The following MMUT variants were observed in gnomAD, a reference collection of about 807,000 sequenced individuals.
MMUT encodes the protein methylmalonyl-CoA mutase.
Under a neutral mutation model 79.9 loss-of-function variants are expected in MMUT, and 79 were observed. The observed-to-expected ratio is 0.99, with a 90% CI of 0.82 to 1.19. MMUT has a LOEUF of 1.19. Ranked by LOEUF, MMUT falls within the 50% of genes most tolerant of loss-of-function variation. The probability of loss-of-function intolerance (pLI) is 0.00; values close to 1 mark genes in which losing one functional copy is unlikely to be tolerated. For synonymous variants in MMUT, 273 were observed against 295.7 expected (o/e 0.92, Z 0.79); for missense variants, 860 against 917.2 (o/e 0.94, Z 0.81).
chr6:49,441,045 T>C (rs1581822275), intron 10 of MMUT, among the ~76,000 whole-genome samples: 1 of 152,196 alleles, frequency 6.6e-6, no homozygotes, highest in African/African-American at 2.4e-5. Context: ...AAAGCACTTA[T>C]CTTTGTTAAA....
In MMUT at chr6:49,459,306, T is replaced by C. The variant is rs559152765; in HGVS notation, c.161A>G (p.Lys54Arg). Residue 54 changes from lysine to arginine, a missense_variant, in exon 2 of 13, where the codon AAA becomes AGA. Lys to Arg is a conservative substitution (Grantham distance 26). Transcript: ENST00000274813. ...GTGCCATATTAGGTCTTCTGGGTTT[T>C]TGCCTTTCAGCTGCTTTTTAGCCAG... is the stretch of plus-strand genomic sequence containing the variant. ...AALAKKQLKG[K>R]NPEDLIWHTP... 6 of 1,614,186 alleles carry C rather than the reference T, an allele frequency of 3.7e-6. No homozygotes were observed. In the East Asian group the frequency reaches 1.3e-4, roughly 36 times the overall value.
At position 49,451,628 on chromosome 6, in the gene MMUT, A is replaced by C. The variant is rs1250183702; in HGVS notation, c.1170T>G (p.Phe390Leu). 3 of 1,614,152 alleles carry C rather than the reference A, an allele frequency of 1.9e-6. No individual in the cohort carries two copies. Among genetic ancestry groups the C allele is most frequent in the Non-Finnish European group, 2.5e-6 (3 of 1,180,012 alleles). ...GGTQSLHTNSFDEALGLPTVK... is the reference protein window; with the variant it reads ...GGTQSLHTNSLDEALGLPTVK... Reference sequence around the variant, plus strand: ...CAGTTGGCAAACCCAAAGCTTCATCAAAAGAATTTGTGTGCAAAGACTGAG... The same window carrying C: ...CAGTTGGCAAACCCAAAGCTTCATCCAAAGAATTTGTGTGCAAAGACTGAG... Residue 390 changes from phenylalanine (F) to leucine (L), a missense_variant, in exon 6 of 13, where the codon TTT becomes TTG. Physicochemically the swap from Phe to Leu is conservative, Grantham distance 22 (BLOSUM62 0). Coordinates refer to ENST00000274813, the MANE Select transcript of MMUT (RefSeq NM_000255.4).
In MMUT at chr6:49,441,935, CT is replaced by C; in HGVS notation, c.1712del (p.Lys571ArgfsTer13). ...TVGEITDALK[K>X]VFGEHKANDR... ...CATTCGCTTTATGTTCACCAAATAC[CT>C]TTTTCAGGGCATCTGTGATTTCTCC... On this transcript the variant is annotated frameshift_variant, in exon 10 of 13. Coordinates refer to ENST00000274813, the MANE Select transcript of MMUT (RefSeq NM_000255.4). LOFTEE classifies it high-confidence loss of function. 2 of 1,611,572 alleles carry C rather than the reference CT, an allele frequency of 1.2e-6. No individual in the cohort carries two copies. The highest frequency in any genetic ancestry group is 2.2e-5 in the East Asian group (1 of 44,706).
At chr6:49,441,436 G>A (rs749367246) in intron 10 of MMUT, among the ~76,000 whole-genome samples, 4 of 151,800 alleles carry the variant, frequency 2.6e-5, no homozygotes, top group Non-Finnish European at 5.9e-5. Context: ...TGGAGGATAT[G>A]AAGCAATATC....
intron 5 of MMUT, among the ~76,000 whole-genome samples, chr6:49,452,911 T>C (rs1323025540): frequency 6.6e-6 from 1 of 152,114 alleles, no homozygotes; most frequent in Admixed American, 6.6e-5. Flanking sequence ...AAAATATGTA[T>C]GTATATATAA....
chr6:49,447,093 C>T (rs1767428215), intron 8 of MMUT, among the ~76,000 whole-genome samples: 1 of 151,700 alleles, frequency 6.6e-6, no homozygotes, highest in South Asian at 2.1e-4. Flanking sequence ...CAGTGACAAA[C>T]TAAAAATAAG....
At chr6:49,440,080 A>G in intron 11 of MMUT, 126 bp downstream of exon 11, 4 of 1,272,206 alleles carry the variant, frequency 3.1e-6, no homozygotes, top group Non-Finnish European at 4.5e-6. Context: ...TTGCCAAGTC[A>G]GTGGCTACAT....
intron 1 of MMUT, among the ~76,000 whole-genome samples, chr6:49,462,727 C>T (rs1183169439): frequency 6.6e-6 from 1 of 152,148 alleles, no homozygotes; most frequent in Non-Finnish European, 1.5e-5. Flanking sequence ...AACCCACAAC[C>T]TAGAAGGGAG....
Position 49,451,662 on chromosome 6 carries a change from A to C in MMUT, c.1136T>G (p.Phe379Cys), listed in dbSNP as rs754742219. Residue 379 changes from phenylalanine (F) to cysteine (C), a missense_variant, in exon 6 of 13, where the codon TTT becomes TGT. Coordinates refer to ENST00000274813, the MANE Select transcript of MMUT (RefSeq NM_000255.4). ...RTAIEAMAAV[F>C]GGTQSLHTNS... Reference sequence around the variant, plus strand: ...TGTGTGCAAAGACTGAGTCCCTCCAAATACTGCTGCCATTGCTTCTATTGC... The same window carrying C: ...TGTGTGCAAAGACTGAGTCCCTCCACATACTGCTGCCATTGCTTCTATTGC... 8 of 1,614,048 alleles carry C rather than the reference A, an allele frequency of 5.0e-6. No individual in the cohort carries two copies. Among genetic ancestry groups the C allele is most frequent in the Non-Finnish European group, 6.8e-6 (8 of 1,179,938 alleles).
intron 6 of MMUT, among the ~76,000 whole-genome samples, chr6:49,450,222 T>G: frequency 7.0e-6 from 1 of 142,642 alleles, no homozygotes; most frequent in African/African-American, 2.6e-5. Context: ...AGAGTAAGAC[T>G]CTGTCTTAAA....
intron 3 of MMUT, 99 bp downstream of exon 3, chr6:49,457,592 T>C: frequency 9.7e-7 from 1 of 1,025,938 alleles, no homozygotes; most frequent in South Asian, 1.6e-5. Flanking sequence ...TCTAAATTTA[T>C]ATTACTCAGA....
intron 5 of MMUT, among the ~76,000 whole-genome samples, chr6:49,452,735 AAATT>A (rs1767584889): frequency 6.6e-6 from 1 of 152,206 alleles, no homozygotes; most frequent in Non-Finnish European, 1.5e-5. Flanking sequence ...TTGCACATAT[AAATT>A]ATTTTTAAAT....
chr6:49,455,564 G>A (rs188513838), intron 4 of MMUT, among the ~76,000 whole-genome samples: 2 of 152,306 alleles, frequency 1.3e-5, no homozygotes, highest in African/African-American at 2.4e-5. Flanking sequence ...AGTGATTGCT[G>A]TACTGATTGA....
intron 3 of MMUT, among the ~76,000 whole-genome samples, chr6:49,456,597 C>T (rs561014447): frequency 7.0e-4 from 106 of 152,156 alleles, no homozygotes; most frequent in African/African-American, 2.6e-3. Context: ...ATGACTTGGA[C>T]CTCATAAGAG....
intron 11 of MMUT, among the ~76,000 whole-genome samples, chr6:49,439,825 T>A (rs1391835489): frequency 1.3e-5 from 2 of 152,220 alleles, no homozygotes; most frequent in African/African-American, 4.8e-5. Flanking sequence ...GTCTCACCAA[T>A]AAGTCCAGTA....
intron 11 of MMUT, among the ~76,000 whole-genome samples, chr6:49,436,967 G>A (rs1443250840): frequency 6.6e-6 from 1 of 151,968 alleles, no homozygotes; most frequent in Non-Finnish European, 1.5e-5. Context: ...CAGGAGGAGG[G>A]AGGTCAGAAA....
At chr6:49,434,346 A>G (rs1767068518) in intron 12 of MMUT, among the ~76,000 whole-genome samples, 1 of 152,128 alleles carries the variant, frequency 6.6e-6, no homozygotes, top group Non-Finnish European at 1.5e-5. Flanking sequence ...CAGTAGCCCC[A>G]CTTTATTACG....
intron 9 of MMUT, 129 bp downstream of exon 9, chr6:49,444,510 C>T (rs551166402): frequency 6.7e-6 from 5 of 744,274 alleles, no homozygotes; most frequent in African/African-American, 1.7e-5. Context: ...ATTAAATTTA[C>T]GATGGATGCC....
chr6:49,438,996 C>T (rs1767203502), intron 11 of MMUT, among the ~76,000 whole-genome samples: 1 of 152,124 alleles, frequency 6.6e-6, no homozygotes, highest in African/African-American at 2.4e-5. Context: ...ACTTAATAAA[C>T]TCCCCCTTAC....
Sources: allele counts gnomAD v4.1 joint callset (sites outside exome capture counted in the v4.1 genomes callset), GRCh38; gene constraint gnomAD v4.1.1; transcripts MANE v1.5; gene names NCBI Gene and HGNC (gene_info 2026-07-23, HGNC 2026-07-21).